Variants in HMGCLL1 observed in about 807,000 individuals in gnomAD.
HMGCLL1 encodes 3-hydroxymethyl-3-methylglutaryl-CoA lyase, cytoplasmic.
In HMGCLL1, 36 loss-of-function variants were observed where a neutral mutation model predicts 39.1. The observed-to-expected ratio is 0.92, with a 90% confidence interval of 0.71 to 1.22. HMGCLL1 has a LOEUF of 1.22. Ranked by LOEUF, HMGCLL1 falls within the 50% of genes most tolerant of loss-of-function variation. HMGCLL1 has a pLI of 0.00. For synonymous variants in HMGCLL1, 149 were observed against 144.0 expected, an observed-to-expected ratio of 1.03 and a Z score of -0.25; for missense variants, 451 against 416.5, an observed-to-expected ratio of 1.08 and a Z score of -0.72.
the HMGCLL1 span, among the ~76,000 whole-genome samples, chr6:55,622,727 T>G: frequency 2.0e-5 from 3 of 152,122 alleles, no homozygotes; most frequent in Admixed American, 6.6e-5. Flanking sequence ...TTTCTTTTTT[T>G]GTTTTGTTTT....
chr6:55,658,067 A>T, the HMGCLL1 span, among the ~76,000 whole-genome samples: 1,448 of 146,960 alleles, frequency 9.9e-3, 24 homozygotes, highest in South Asian at 0.045. Context: ...ATAAAAATTT[A>T]AAAAAAAAGT....
At chr6:55,494,465 G>A (rs540513023) in intron 7 of HMGCLL1, among the ~76,000 whole-genome samples, 2 of 152,202 alleles carry the variant, frequency 1.3e-5, no homozygotes, top group South Asian at 4.1e-4. Context: ...CAAAGACCAT[G>A]GAATAACATT....
At chr6:55,474,225 C>T (rs1418147388) in intron 7 of HMGCLL1, among the ~76,000 whole-genome samples, 1 of 151,488 alleles carries the variant, frequency 6.6e-6, no homozygotes. Context: ...TCTTCTCCTT[C>T]TGGCATTTTA....
the HMGCLL1 span, among the ~76,000 whole-genome samples, chr6:55,645,240 G>A: frequency 6.6e-6 from 1 of 151,494 alleles, no homozygotes; most frequent in African/African-American, 2.4e-5. Context: ...ATTTTTTTAT[G>A]TTGACTTGTT....
intron 8 of HMGCLL1, among the ~76,000 whole-genome samples, chr6:55,437,418 GA>G (rs200883859): frequency 2.7e-5 from 4 of 150,032 alleles, no homozygotes; most frequent in Non-Finnish European, 3.0e-5. Flanking sequence ...ACCCACTGAG[GA>G]AAAAAAAATG....
At chr6:55,580,583 T>C (rs745750728), upstream of HMGCLL1, among the ~76,000 whole-genome samples, 2 of 151,596 alleles carry the variant, frequency 1.3e-5, no homozygotes, top group Non-Finnish European at 2.9e-5. Context: ...GCCAGGCTAA[T>C]TTTTTGTATT....
chr6:55,549,703 TC>T (rs759623235), intron 1 of HMGCLL1, among the ~76,000 whole-genome samples: 1 of 151,948 alleles, frequency 6.6e-6, no homozygotes, highest in Non-Finnish European at 1.5e-5. Context: ...ACATAATTCA[TC>T]ATTCTAAATA....
At chr6:55,647,200 G>A in the HMGCLL1 span, among the ~76,000 whole-genome samples, 1 of 151,560 alleles carries the variant, frequency 6.6e-6, no homozygotes, top group Non-Finnish European at 1.5e-5. Context: ...TCTATTTTGT[G>A]AGGCATAACT....
chr6:55,533,586 T>C (rs920871897), intron 3 of HMGCLL1, among the ~76,000 whole-genome samples: 5 of 152,080 alleles, frequency 3.3e-5, no homozygotes, highest in African/African-American at 1.2e-4. Flanking sequence ...AGACGTGTCA[T>C]AGAAGTTACA....
At chr6:55,484,669 C>T (rs894840275) in intron 7 of HMGCLL1, among the ~76,000 whole-genome samples, 1 of 152,114 alleles carries the variant, frequency 6.6e-6, no homozygotes, top group East Asian at 1.9e-4. Flanking sequence ...CTTTTAGACA[C>T]TCTACATCTA....
At chr6:55,644,616 C>T in the HMGCLL1 span, among the ~76,000 whole-genome samples, 2 of 151,976 alleles carry the variant, frequency 1.3e-5, no homozygotes, top group African/African-American at 2.4e-5. Context: ...TTCTGCTCAT[C>T]GATATCCAGT....
intron 5 of HMGCLL1, among the ~76,000 whole-genome samples, chr6:55,508,431 A>G (rs1221005447): frequency 6.6e-6 from 1 of 151,954 alleles, no homozygotes; most frequent in East Asian, 1.9e-4. Flanking sequence ...GTTAAATAAG[A>G]TTAGAAATAA....
chr6:55,575,646 T>C (rs1177277977), intron 1 of HMGCLL1, among the ~76,000 whole-genome samples: 19 of 152,190 alleles, frequency 1.2e-4, no homozygotes, highest in Admixed American at 1.2e-3. Context: ...TTCATGATTC[T>C]CTCTGCCAGA....
chr6:55,459,041 T>G (rs910985562), intron 7 of HMGCLL1, among the ~76,000 whole-genome samples: 1 of 152,178 alleles, frequency 6.6e-6, no homozygotes, highest in African/African-American at 2.4e-5. Context: ...ATTTTATAAA[T>G]ATCTATTAGT....
intron 1 of HMGCLL1, among the ~76,000 whole-genome samples, chr6:55,573,773 C>T (rs9349781): frequency 0.52 from 78,815 of 151,858 alleles, 20,872 homozygotes; most frequent in African/African-American, 0.62. Flanking sequence ...AAACAACATT[C>T]GAAGCAAAAA....
chr6:55,611,749 G>A, the HMGCLL1 span, among the ~76,000 whole-genome samples: 1 of 152,012 alleles, frequency 6.6e-6, no homozygotes, highest in South Asian at 2.1e-4. Flanking sequence ...TTGATAAAAT[G>A]CAACATCTCT....
At chr6:55,462,624 A>G (rs1271192765) in intron 7 of HMGCLL1, among the ~76,000 whole-genome samples, 1 of 152,240 alleles carries the variant, frequency 6.6e-6, no homozygotes, top group Non-Finnish European at 1.5e-5. Flanking sequence ...TAGAGCATGC[A>G]AATAATTATT....
the HMGCLL1 span, among the ~76,000 whole-genome samples, chr6:55,602,953 G>T: frequency 6.6e-6 from 1 of 152,056 alleles, no homozygotes; most frequent in Non-Finnish European, 1.5e-5. Flanking sequence ...TGATTTTGTA[G>T]GTCTGCAGTG....
intron 1 of HMGCLL1, among the ~76,000 whole-genome samples, chr6:55,556,465 T>C (rs1360669798): frequency 6.6e-6 from 1 of 152,120 alleles, no homozygotes; most frequent in Non-Finnish European, 1.5e-5. Context: ...TGTTAACTGT[T>C]CTAGCAAGAA....
Sources: gnomAD v4.1 joint callset for allele counts (sites outside exome capture counted in the v4.1 genomes callset) on GRCh38, gnomAD v4.1.1 for gene constraint, MANE v1.5 for transcripts, NCBI Gene and HGNC (gene_info 2026-07-23, HGNC 2026-07-21) for gene names.